CNOT2: variants seen among roughly 807,000 people sequenced by gnomAD.
CNOT2 encodes CC chemokine receptor 4-negative regulator of transcription 2.
In CNOT2, 7 loss-of-function variants were observed where a neutral mutation model predicts 72.1. The ratio of observed to expected loss-of-function variants is 0.10; its 90% CI spans 0.06 to 0.18. The LOEUF (loss-of-function observed/expected upper bound fraction) is 0.18. Ranked by LOEUF, CNOT2 falls within the 10% of genes least tolerant of loss-of-function variation. CNOT2 has a pLI of 1.00. For synonymous variants in CNOT2, 196 were observed against 225.6 expected (o/e 0.87, Z 1.17); for missense variants, 345 against 660.3 (o/e 0.52, Z 5.23).
intron 1 of CNOT2, among the ~76,000 whole-genome samples, chr12:70,246,850 T>A (rs1163310716): frequency 6.6e-6 from 1 of 152,210 alleles, no homozygotes; most frequent in African/African-American, 2.4e-5. Flanking sequence ...ATAGAATTTG[T>A]ACTGTGTTTT....
intron 4 of CNOT2, among the ~76,000 whole-genome samples, chr12:70,326,997 T>C (rs1879170390): frequency 6.6e-6 from 1 of 151,910 alleles, no homozygotes; most frequent in Admixed American, 6.6e-5. Flanking sequence ...CAAATTTGTT[T>C]TTTTGCTGGT....
chr12:70,266,277 C>T (rs11504255), intron 1 of CNOT2, among the ~76,000 whole-genome samples: 2,046 of 152,088 alleles, frequency 0.013, 46 homozygotes, highest in African/African-American at 0.046. Flanking sequence ...GCATGCACCA[C>T]CATGCCCAGC....
At chr12:70,253,771 CTAGTA>C (rs1270902032) in intron 1 of CNOT2, among the ~76,000 whole-genome samples, 1 of 152,110 alleles carries the variant, frequency 6.6e-6, no homozygotes, top group Non-Finnish European at 1.5e-5. Flanking sequence ...TGTAGTGAAA[CTAGTA>C]TAGTAGTTTC....
At chr12:70,305,677 T>C (rs1345002229) in intron 2 of CNOT2, among the ~76,000 whole-genome samples, 18 of 152,088 alleles carry the variant, frequency 1.2e-4, no homozygotes, top group Admixed American at 1.2e-3. Flanking sequence ...ACATAAGATT[T>C]GTGTTGGGTT....
intron 4 of CNOT2, among the ~76,000 whole-genome samples, chr12:70,328,977 T>G (rs1008947298): frequency 1.3e-5 from 2 of 151,900 alleles, no homozygotes; most frequent in African/African-American, 2.4e-5. Flanking sequence ...TCACATAAAA[T>G]TAAAGCTACT....
chr12:70,319,464 A>G (rs1877922516), intron 4 of CNOT2, 100 bp downstream of exon 4: 3 of 1,142,184 alleles, frequency 2.6e-6, no homozygotes, highest in Non-Finnish European at 3.8e-6. Flanking sequence ...GGTTTATTGT[A>G]TGACTTAAAA....
intron 4 of CNOT2, chr12:70,323,948 T>C (rs1878689729): frequency 6.6e-6 from 1 of 151,782 alleles, no homozygotes. Context: ...TTGAATATTA[T>C]CTACTGTGTA....
Position 70,293,361 on chromosome 12 carries a change from G to A in CNOT2, c.48+15087G>A, listed in dbSNP as rs188733960. On this transcript the variant is annotated intron_variant, in intron 2 of 15. Transcript: ENST00000229195. ...TTTTAATAGAGAAGGGTTTCTCCAT[G>A]TTGGTCAGGCTGGTCTCAAACTCCC... is the stretch of plus-strand genomic sequence containing the variant. Among the ~76,000 whole-genome samples, 7 of 152,084 alleles carry A rather than the reference G, an allele frequency of 4.6e-5. No individual in the cohort carries two copies. In the East Asian group the frequency reaches 1.4e-3, roughly 29 times the overall value.
chr12:70,287,002 G>A lies in CNOT2; in HGVS notation c.48+8728G>A, dbSNP rs1871015222. On this transcript the variant is annotated intron_variant, in intron 2 of 15. Transcript: ENST00000229195. ...TAGTTGACTTTTAAAATTGATTTTT[G>A]TATCTCAATGTTGCTAAACTTTTTA... is the stretch of plus-strand genomic sequence containing the variant. 2.0e-5 allele frequency among the ~76,000 whole-genome samples: 3 copies of A among 151,672 alleles called. No homozygotes were observed. The South Asian group carries it at 6.2e-4, about 32-fold the overall frequency.
intron 1 of CNOT2, among the ~76,000 whole-genome samples, chr12:70,257,022 T>G (rs1031322835): frequency 4.6e-5 from 7 of 151,170 alleles, no homozygotes; most frequent in African/African-American, 1.7e-4. Flanking sequence ...TTGTGTATGA[T>G]TGAACATTTT....
chr12:70,338,591 ATAT>A (rs747299212), intron 10 of CNOT2, 28 bp downstream of exon 10: 2 of 1,599,550 alleles, frequency 1.3e-6, no homozygotes, highest in South Asian at 2.3e-5. Flanking sequence ...TATGTCAAAG[ATAT>A]TATAGAATGC....
intron 8 of CNOT2, chr12:70,336,646 A>G (rs1254885301): frequency 6.6e-6 from 1 of 152,086 alleles, no homozygotes; most frequent in Non-Finnish European, 1.5e-5. Context: ...AAAATAAAAA[A>G]AAAAATGATC....
intron 1 of CNOT2, among the ~76,000 whole-genome samples, chr12:70,256,446 T>C (rs894311849): frequency 3.3e-5 from 5 of 152,116 alleles, no homozygotes; most frequent in South Asian, 2.1e-4. Context: ...AACTTACCTA[T>C]TTTGTAATTT....
chr12:70,323,789 AT>A (rs1476559892), intron 4 of CNOT2: 4 of 151,718 alleles, frequency 2.6e-5, no homozygotes, highest in African/African-American at 9.7e-5. Flanking sequence ...ATAGAATAAC[AT>A]TTTCCACCAT....
At chr12:70,338,265 T>G in intron 9 of CNOT2, 178 bp from the exon 10 acceptor site, 1 of 504,422 alleles carries the variant, frequency 2.0e-6, no homozygotes. Context: ...TGATATAGGA[T>G]TTATTTGTAT....
At chr12:70,313,859 C>T (rs2135965286) in intron 3 of CNOT2, among the ~76,000 whole-genome samples, 1 of 152,046 alleles carries the variant, frequency 6.6e-6, no homozygotes, top group East Asian at 1.9e-4. Context: ...TTAAAATATC[C>T]CTTTATTATA....
rs200806089 is a variant in CNOT2 at position 70,330,269 on chromosome 12, A to G, written c.387-18A>G. 8 of 1,388,472 alleles carry G rather than the reference A, an allele frequency of 5.8e-6. No individual in the cohort carries two copies. Among genetic ancestry groups the G allele is most frequent in the Non-Finnish European group, 8.1e-6 (8 of 984,896 alleles). 86.0% of individuals were successfully genotyped at this position (1,388,472 alleles called of 1,614,324 possible). On this transcript the variant is annotated intron_variant, in intron 5 of 15. Transcript: ENST00000229195. ...TGATTGTAGAGAGCTTATTTAGTAT[A>G]ATGGACTTCTTTTTCAGGGGTATTT...
At chr12:70,292,029 A>C (rs950936301) in intron 2 of CNOT2, among the ~76,000 whole-genome samples, 41 of 152,234 alleles carry the variant, frequency 2.7e-4, no homozygotes, top group Admixed American at 2.6e-4. Flanking sequence ...ATGTAAGGGC[A>C]GACAGGTATT....
intron 2 of CNOT2, among the ~76,000 whole-genome samples, chr12:70,304,604 G>A (rs530548555): frequency 9.2e-5 from 14 of 152,090 alleles, no homozygotes; most frequent in African/African-American, 2.9e-4. Flanking sequence ...GTGTCAGTCC[G>A]CCCCTACTGG....
Sources: gnomAD v4.1 joint callset for allele counts (sites outside exome capture counted in the v4.1 genomes callset) on GRCh38, gnomAD v4.1.1 for gene constraint, MANE v1.5 for transcripts, NCBI Gene and HGNC (gene_info 2026-07-23, HGNC 2026-07-21) for gene names.